Variants in NEGR1 observed in about 807,000 individuals in gnomAD.
NEGR1 encodes neuronal growth regulator 1, also known as IgLON family member 4.
A neutral mutation model predicts 40.9 loss-of-function variants in NEGR1; 10 were observed. The observed-to-expected ratio is 0.24, with a 90% CI of 0.15 to 0.42. The LOEUF (loss-of-function observed/expected upper bound fraction) is 0.42, where lower values mean the gene tolerates loss of function less well. Ranked by LOEUF, NEGR1 falls within the 10% of genes least tolerant of loss-of-function variation. The probability of loss-of-function intolerance (pLI) is 1.00; values close to 1 mark genes in which losing one functional copy is unlikely to be tolerated. For synonymous variants in NEGR1, 185 were observed against 166.8 expected (o/e 1.11, Z -0.84); for missense variants, 352 against 438.9 (o/e 0.80, Z 1.77).
chr1:71,430,649 CTT>C (rs1386817150), intron 6 of NEGR1, among the ~76,000 whole-genome samples: 2 of 128,374 alleles, frequency 1.6e-5, no homozygotes, highest in East Asian at 2.2e-4. Flanking sequence ...TGTCTTATAG[CTT>C]TTTTTTAAAA....
chr1:71,537,583 A>G (rs1196314115), intron 6 of NEGR1, among the ~76,000 whole-genome samples: 1 of 151,734 alleles, frequency 6.6e-6, no homozygotes, highest in Non-Finnish European at 1.5e-5. Flanking sequence ...TCTTGTTCTC[A>G]CATTTTAAGC....
chr1:71,735,470 C>G (rs2101669457), intron 3 of NEGR1, among the ~76,000 whole-genome samples: 1 of 151,938 alleles, frequency 6.6e-6, no homozygotes, highest in East Asian at 1.9e-4. Context: ...AATTGGGTGG[C>G]TGGTAAAGGG....
intron 1 of NEGR1, among the ~76,000 whole-genome samples, chr1:72,068,960 G>A (rs913521094): frequency 2.0e-5 from 3 of 152,068 alleles, no homozygotes; most frequent in African/African-American, 7.2e-5. Flanking sequence ...TAAAATGTTG[G>A]TCAATTAACA....
intron 1 of NEGR1, among the ~76,000 whole-genome samples, chr1:72,159,957 T>C (rs550422468): frequency 6.6e-6 from 1 of 152,310 alleles, no homozygotes; most frequent in African/African-American, 2.4e-5. Context: ...AAAAATAATT[T>C]GTAGCCAAAG....
At chr1:71,729,179 T>G (rs1198305337) in intron 3 of NEGR1, among the ~76,000 whole-genome samples, 1 of 152,102 alleles carries the variant, frequency 6.6e-6, no homozygotes, top group African/African-American at 2.4e-5. Context: ...GTGCTGCCTC[T>G]GCCTGACATG....
intron 2 of NEGR1, among the ~76,000 whole-genome samples, chr1:71,821,505 TG>T (rs1658427652): frequency 2.6e-5 from 4 of 152,000 alleles, no homozygotes; most frequent in African/African-American, 9.7e-5. Flanking sequence ...ATGTACTAGT[TG>T]ACACACACAA....
chr1:72,162,124 A>G (rs1651587003), intron 1 of NEGR1, among the ~76,000 whole-genome samples: 1 of 152,070 alleles, frequency 6.6e-6, no homozygotes, highest in African/African-American at 2.4e-5. Flanking sequence ...TAACTAAACT[A>G]TGTATTAATT....
At chr1:71,643,215 C>G (rs1469206672) in intron 4 of NEGR1, among the ~76,000 whole-genome samples, 1 of 151,916 alleles carries the variant, frequency 6.6e-6, no homozygotes, top group Non-Finnish European at 1.5e-5. Flanking sequence ...CATGCATATT[C>G]TTGCCATGAT....
At chr1:71,505,316 C>G (rs1647024784) in intron 6 of NEGR1, among the ~76,000 whole-genome samples, 1 of 151,486 alleles carries the variant, frequency 6.6e-6, no homozygotes, top group Admixed American at 6.6e-5. Context: ...GAGATGGAGT[C>G]TCGCTCTTTC....
In NEGR1 at chr1:71,663,130, TG is replaced by T. The variant is rs1237290208; in HGVS notation, c.667+34877del. Among the ~76,000 whole-genome samples, 4 of 152,016 alleles carry T rather than the reference TG, an allele frequency of 2.6e-5. No homozygotes were observed. The East Asian group carries it at 7.8e-4, about 30-fold the overall frequency. ...TGCCACCATGCCTGGCTAATTTTTTTGTATTTTTAGTAGAGATGGGTTTTCA... is the reference window on the plus strand; with the variant it reads ...TGCCACCATGCCTGGCTAATTTTTTTTATTTTTAGTAGAGATGGGTTTTCA... On this transcript the variant is annotated intron_variant, in intron 4 of 6. Coordinates refer to ENST00000357731, the MANE Select transcript of NEGR1 (RefSeq NM_173808.3).
At chr1:71,456,163 T>G (rs1446066505) in intron 6 of NEGR1, among the ~76,000 whole-genome samples, 1 of 152,190 alleles carries the variant, frequency 6.6e-6, no homozygotes, top group African/African-American at 2.4e-5. Flanking sequence ...CAAAGAGATA[T>G]GTATGTTGAG....
Position 72,007,725 on chromosome 1 carries a change from G to T in NEGR1, c.177-72414C>A, listed in dbSNP as rs375486857. Among the ~76,000 whole-genome samples the T allele has an allele frequency of 7.2e-5, 11 of 152,262 alleles. No homozygotes were observed. The East Asian group carries it at 2.1e-3, about 29-fold the overall frequency. The stretch of plus-strand genomic sequence containing the variant: ...ATACTACAGAAGTATGAAGTTGTTA[G>T]CCTAGAGTAAACCCAATTTAATTTT... On this transcript the variant is annotated intron_variant, in intron 1 of 6. Transcript: ENST00000357731.
chr1:71,520,449 C>G (rs1557553217), intron 6 of NEGR1, among the ~76,000 whole-genome samples: 2 of 152,170 alleles, frequency 1.3e-5, no homozygotes, highest in East Asian at 3.9e-4. Flanking sequence ...CCAGAGAAAT[C>G]TCCCTTGGAC....
chr1:72,157,186 G>T (rs1232330331), intron 1 of NEGR1, among the ~76,000 whole-genome samples: 1 of 152,052 alleles, frequency 6.6e-6, no homozygotes, highest in African/African-American at 2.4e-5. Flanking sequence ...GCTCAGGCCG[G>T]CCTCAAACCC....
In NEGR1 at chr1:71,398,573, G is replaced by C. The variant is rs1315120564; in HGVS notation, c.*8873C>G. Reference sequence around the variant, plus strand: ...TCTAGGAAGTAACTAACTTGCTTTTGATTTTACTGGCTGCTCATAGGCAGA... The same window carrying C: ...TCTAGGAAGTAACTAACTTGCTTTTCATTTTACTGGCTGCTCATAGGCAGA... On this transcript the variant is annotated 3_prime_UTR_variant, in exon 7 of 7. Coordinates refer to ENST00000357731, the MANE Select transcript of NEGR1 (RefSeq NM_173808.3). 1.1e-4 allele frequency: 16 copies of C among 152,254 alleles called. No individual in the cohort carries two copies. Among genetic ancestry groups the C allele is most frequent in the Admixed American group, 9.8e-4 (15 of 15,270 alleles). The allele number at this position is 152,254 out of a possible 1,614,324, so 9.4% of individuals were successfully genotyped here.
At chr1:71,817,372 T>G (rs1360941227) in intron 2 of NEGR1, among the ~76,000 whole-genome samples, 2 of 152,100 alleles carry the variant, frequency 1.3e-5, no homozygotes, top group Non-Finnish European at 2.9e-5. Flanking sequence ...TTAGCCCAAG[T>G]ACTTCCCCAC....
At chr1:71,762,312 C>T (rs1269258000) in intron 3 of NEGR1, among the ~76,000 whole-genome samples, 2 of 151,548 alleles carry the variant, frequency 1.3e-5, no homozygotes, top group East Asian at 3.9e-4. Flanking sequence ...GACTTAAGTC[C>T]TAATGAATCA....
chr1:71,419,848 G>T (rs938354850), intron 6 of NEGR1, among the ~76,000 whole-genome samples: 1 of 151,496 alleles, frequency 6.6e-6, no homozygotes, highest in East Asian at 1.9e-4. Context: ...GACTTTGGGG[G>T]CAGGCACAAA....
intron 5 of NEGR1, among the ~76,000 whole-genome samples, chr1:71,597,943 C>T (rs1187117817): frequency 6.6e-6 from 1 of 151,922 alleles, no homozygotes; most frequent in Non-Finnish European, 1.5e-5. Context: ...GCATTGTACA[C>T]AATAATGTTT....
Sources: gnomAD v4.1 joint callset for allele counts (sites outside exome capture counted in the v4.1 genomes callset) on GRCh38, gnomAD v4.1.1 for gene constraint, MANE v1.5 for transcripts, NCBI Gene and HGNC (gene_info 2026-07-23, HGNC 2026-07-21) for gene names.